Variants in SYNE3 observed in about 807,000 individuals in gnomAD.
SYNE3 encodes spectrin repeat containing nuclear envelope family member 3.
SYNE3 carries 100 observed loss-of-function variants against 111.2 expected under a neutral mutation model. The ratio of observed to expected loss-of-function variants is 0.90; its 90% CI spans 0.77 to 1.06. SYNE3 has a LOEUF of 1.06. Ranked by LOEUF, SYNE3 falls within the 50% of genes least tolerant of loss-of-function variation. The probability of loss-of-function intolerance (pLI) is 0.00; values close to 1 mark genes in which losing one functional copy is unlikely to be tolerated. For synonymous variants in SYNE3, 547 were observed against 533.9 expected (o/e 1.02, Z -0.34); for missense variants, 1,160 against 1,240.3 (o/e 0.94, Z 0.97).
rs1471328820 is a variant in SYNE3, at chr14:95,416,355, G to T, written c.*1471C>A. On this transcript the variant is annotated 3_prime_UTR_variant, in exon 18 of 18. Transcript: ENST00000682763. ...ATAATACCTTATGATTCCAAAGCCG[G>T]ACAGAAGGTCCGAGGAAATCCCCTC... 3 of 152,214 alleles carry T rather than the reference G, an allele frequency of 2.0e-5. No individual in the cohort carries two copies. The highest frequency in any genetic ancestry group is 2.0e-4 in the Admixed American group (3 of 15,286). 9.4% of individuals were successfully genotyped at this position (152,214 alleles called of 1,614,324 possible). A position where few individuals can be genotyped will look rare whatever the true frequency, so the allele number is the denominator to read the frequency against.
chr14:95,418,447 A>C (rs888705871), intron 17 of SYNE3, among the ~76,000 whole-genome samples: 1 of 152,176 alleles, frequency 6.6e-6, no homozygotes, highest in Non-Finnish European at 1.5e-5. Flanking sequence ...GTAAGTATGT[A>C]CCAGCTGCTG....
rs1178125905 is a variant in SYNE3 at position 95,415,876 on chromosome 14, T to C, written c.*1950A>G. Reference sequence around the variant, plus strand: ...TGGGCATGGTGGCAGATGCCTGTAATCCCAGCTATTTGGGAGGCTGAAGCA... The same window carrying C: ...TGGGCATGGTGGCAGATGCCTGTAACCCCAGCTATTTGGGAGGCTGAAGCA... On this transcript the variant is annotated 3_prime_UTR_variant, in exon 18 of 18. Transcript: ENST00000682763. 1 of 152,228 alleles carries C rather than the reference T, an allele frequency of 6.6e-6. No homozygotes were observed. Among genetic ancestry groups the C allele is most frequent in the Non-Finnish European group, 1.5e-5 (1 of 68,112 alleles). The allele number at this position is 152,228 out of a possible 1,614,324, so 9.4% of individuals were successfully genotyped here.
At chr14:95,503,570 T>C (rs566738630) in intron 1 of SYNE3, among the ~76,000 whole-genome samples, 221 of 149,728 alleles carry the variant, frequency 1.5e-3, no homozygotes, top group Non-Finnish European at 3.0e-3. Context: ...GGTTCTATTT[T>C]AAACAGTAGA....
At position 95,486,453 on chromosome 14, in the gene SYNE3, C is replaced by T. The variant is rs144119376; in HGVS notation, c.-14-10618G>A. Among the ~76,000 whole-genome samples the T allele has an allele frequency of 2.6e-5, 4 of 152,198 alleles. No individual in the cohort carries two copies. The East Asian group carries it at 7.8e-4, about 30-fold the overall frequency. ...CGCCAGCGCCTCATGCCTTCTCAGG[C>T]AGGGGTCTTCCCCACAGAGGGACCC... On this transcript the variant is annotated intron_variant, in intron 1 of 17. Transcript: ENST00000682763.
chr14:95,433,135 C>T (rs1885885020), intron 16 of SYNE3, 125 bp downstream of exon 16: 3 of 1,388,464 alleles, frequency 2.2e-6, no homozygotes, highest in South Asian at 2.9e-5. Context: ...GAGTGGTCAC[C>T]ACTGTCTGGT....
intron 17 of SYNE3, among the ~76,000 whole-genome samples, chr14:95,426,623 G>C (rs1219574356): frequency 6.6e-6 from 1 of 152,044 alleles, no homozygotes; most frequent in East Asian, 1.9e-4. Flanking sequence ...AAGCCACCCA[G>C]GTGCCGAGGA....
At chr14:95,423,624 G>A (rs1340651821) in intron 17 of SYNE3, among the ~76,000 whole-genome samples, 1 of 36,808 alleles carries the variant, frequency 2.7e-5, no homozygotes, top group African/African-American at 8.8e-5. Flanking sequence ...GATGGGGATG[G>A]GGATTTGATG....
intron 17 of SYNE3, among the ~76,000 whole-genome samples, chr14:95,430,668 A>G (rs1885706683): frequency 6.6e-6 from 1 of 152,110 alleles, no homozygotes; most frequent in African/African-American, 2.4e-5. Flanking sequence ...TACTGAAAAT[A>G]CAAAAATTAG....
At chr14:95,483,490 A>G (rs1425407994) in intron 1 of SYNE3, among the ~76,000 whole-genome samples, 1 of 152,076 alleles carries the variant, frequency 6.6e-6, no homozygotes, top group African/African-American at 2.4e-5. Context: ...AGCTGGTCTT[A>G]ATCCCAAAGC....
intron 3 of SYNE3, among the ~76,000 whole-genome samples, chr14:95,467,072 TC>T (rs1205813306): frequency 1.3e-5 from 2 of 152,166 alleles, no homozygotes. Context: ...TGGCTCTATC[TC>T]CCCAGCCAAC....
In SYNE3 at chr14:95,485,479, G is replaced by A. The variant is rs1200344010; in HGVS notation, c.-14-9644C>T. Among the ~76,000 whole-genome samples, 2 of 152,080 alleles carry A rather than the reference G, an allele frequency of 1.3e-5. No homozygotes were observed. Among genetic ancestry groups the A allele is most frequent in the East Asian group, 1.9e-4 (1 of 5,186 alleles). On this transcript the variant is annotated intron_variant, in intron 1 of 17. Coordinates refer to ENST00000682763, the MANE Select transcript of SYNE3 (RefSeq NM_152592.6). This position sits in a 1 kb window ranked among gnomAD's most constrained non-coding sequence, Gnocchi z 4.3. ...GCCCTGAAGGTAAACTGAGAGAGTC[G>A]GCTGCTCCCCGACCAAAGACAGGAC...
At chr14:95,514,661 G>T (rs1890848794) in intron 1 of SYNE3, among the ~76,000 whole-genome samples, 2 of 152,262 alleles carry the variant, frequency 1.3e-5, no homozygotes, top group Non-Finnish European at 2.9e-5. Context: ...GCTCTGAAAG[G>T]TGAAGCAACT....
chr14:95,466,384 G>T, intron 3 of SYNE3, 144 bp from the exon 4 acceptor site: 1 of 935,906 alleles, frequency 1.1e-6, no homozygotes, highest in Non-Finnish European at 1.5e-6. Context: ...TGAGTCACCT[G>T]GGCAGCTTGT....
At chr14:95,448,716 A>C (rs1034584440) in intron 8 of SYNE3, among the ~76,000 whole-genome samples, 1 of 152,192 alleles carries the variant, frequency 6.6e-6, no homozygotes, top group Non-Finnish European at 1.5e-5. Context: ...GAGAGAAAAC[A>C]AATTATTGTC....
At chr14:95,468,494 G>A (rs1320530367) in intron 2 of SYNE3, among the ~76,000 whole-genome samples, 1 of 152,212 alleles carries the variant, frequency 6.6e-6, no homozygotes, top group South Asian at 2.1e-4. Flanking sequence ...TCCTGAGGCT[G>A]CTCCCACCAG....
At chr14:95,475,226 C>T (rs1888804789) in intron 2 of SYNE3, among the ~76,000 whole-genome samples, 1 of 152,248 alleles carries the variant, frequency 6.6e-6, no homozygotes, top group Non-Finnish European at 1.5e-5. Context: ...CAGGAAGTCA[C>T]TCCTTGCTGG....
At chr14:95,446,896 C>A (rs1886751895) in intron 8 of SYNE3, among the ~76,000 whole-genome samples, 2 of 152,206 alleles carry the variant, frequency 1.3e-5, no homozygotes, top group African/African-American at 4.8e-5. Flanking sequence ...AAGCCTCCGA[C>A]TCCTGTTGCC....
intron 1 of SYNE3, among the ~76,000 whole-genome samples, chr14:95,512,737 A>G (rs1890767607): frequency 6.6e-6 from 1 of 151,878 alleles, no homozygotes; most frequent in Non-Finnish European, 1.5e-5. Context: ...GGGCGCCTGT[A>G]GTCCCAGCTA....
intron 1 of SYNE3, among the ~76,000 whole-genome samples, chr14:95,503,901 G>A (rs1057409990): frequency 6.6e-5 from 10 of 152,122 alleles, no homozygotes; most frequent in African/African-American, 2.4e-4. Flanking sequence ...TTCCAGGTGT[G>A]AGCCACTGTG....
Sources: gnomAD v4.1 joint callset for allele counts (sites outside exome capture counted in the v4.1 genomes callset) on GRCh38, gnomAD v4.1.1 for gene constraint, Gnocchi (gnomAD v3.1) non-coding constraint, MANE v1.5 for transcripts, NCBI Gene and HGNC (gene_info 2026-07-23, HGNC 2026-07-21) for gene names.